The following FAM171B variants were observed in gnomAD, a reference collection of about 807,000 sequenced individuals.
FAM171B encodes family with sequence similarity 171 member B.
In FAM171B, 19 loss-of-function variants were observed where a neutral mutation model predicts 75.6. The ratio of observed to expected loss-of-function variants is 0.25; its 90% CI spans 0.18 to 0.37. FAM171B has a LOEUF of 0.37. Ranked by LOEUF, FAM171B falls within the 10% of genes least tolerant of loss-of-function variation. The pLI is 1.00. For synonymous variants in FAM171B, 367 were observed against 361.7 expected (o/e 1.01, Z -0.17); for missense variants, 848 against 982.4 (o/e 0.86, Z 1.83).
chr2:186,739,278 G>T (rs919956975), intron 1 of FAM171B, among the ~76,000 whole-genome samples: 1 of 151,998 alleles, frequency 6.6e-6, no homozygotes, highest in Admixed American at 6.6e-5. Flanking sequence ...CTCCATGGTG[G>T]TATACTTAGG....
Position 186,762,832 on chromosome 2 carries a change from G to A in FAM171B, c.*9G>A. The A allele has an allele frequency of 6.2e-7, 1 of 1,601,890 alleles. No individual in the cohort carries two copies. The highest frequency in any genetic ancestry group is 2.2e-5 in the East Asian group (1 of 44,786). On this transcript the variant is annotated 3_prime_UTR_variant, in exon 8 of 8. Coordinates refer to ENST00000304698, the MANE Select transcript of FAM171B (RefSeq NM_177454.4). The surrounding 1 kb of genome is among the most constrained non-coding windows in gnomAD (Gnocchi z 4.0). ...TGATTCCCATAAATTAACTCCAATGGGGATTGTGTGTCTGCTGTCTCGTGC... is the reference window on the plus strand; with the variant it reads ...TGATTCCCATAAATTAACTCCAATGAGGATTGTGTGTCTGCTGTCTCGTGC...
intron 1 of FAM171B, among the ~76,000 whole-genome samples, chr2:186,710,331 C>T (rs991201951): frequency 1.3e-5 from 2 of 152,182 alleles, no homozygotes; most frequent in African/African-American, 4.8e-5. Flanking sequence ...ATGCCACTTG[C>T]ACCACCATTC....
chr2:186,709,383 A>G (rs1040803538), intron 1 of FAM171B, among the ~76,000 whole-genome samples: 1 of 152,184 alleles, frequency 6.6e-6, no homozygotes, highest in Admixed American at 6.6e-5. Flanking sequence ...AGCTTCTTCC[A>G]TAGTGCCCAC....
intron 1 of FAM171B, among the ~76,000 whole-genome samples, chr2:186,727,990 A>T (rs986104528): frequency 2.0e-5 from 3 of 152,182 alleles, no homozygotes; most frequent in African/African-American, 7.2e-5. Context: ...GCCTCTGAAT[A>T]GACCCCAAAG....
At chr2:186,726,495 A>G (rs1384533855) in intron 1 of FAM171B, among the ~76,000 whole-genome samples, 1 of 152,132 alleles carries the variant, frequency 6.6e-6, no homozygotes, top group Admixed American at 6.5e-5. Context: ...GCATAATAAT[A>G]TGGTCCTTTT....
At chr2:186,733,594 T>C (rs1465194909) in intron 1 of FAM171B, among the ~76,000 whole-genome samples, 1 of 152,190 alleles carries the variant, frequency 6.6e-6, no homozygotes, top group African/African-American at 2.4e-5. Context: ...CTGGATCCCA[T>C]GCCTGCCAAG....
chr2:186,747,054 C>G lies in FAM171B; in HGVS notation c.566-38C>G, dbSNP rs760597462. Reference sequence around the variant, plus strand: ...GACCAATGCTGCTATGCTTAACATGCCTTTATCTCTTTGTTAATGAGGTTT... The same window carrying G: ...GACCAATGCTGCTATGCTTAACATGGCTTTATCTCTTTGTTAATGAGGTTT... On this transcript the variant is annotated intron_variant, in intron 3 of 7. Coordinates refer to ENST00000304698, the MANE Select transcript of FAM171B (RefSeq NM_177454.4). 5 of 1,490,440 alleles carry G rather than the reference C, an allele frequency of 3.4e-6. No individual in the cohort carries two copies. The East Asian group carries it at 1.2e-4, about 36-fold the overall frequency. 92.3% of individuals were successfully genotyped at this position (1,490,440 alleles called of 1,614,324 possible). A position where few individuals can be genotyped will look rare whatever the true frequency, so the allele number is the denominator to read the frequency against.
intron 1 of FAM171B, among the ~76,000 whole-genome samples, chr2:186,737,759 A>C (rs1690225009): frequency 6.6e-6 from 1 of 152,252 alleles, no homozygotes; most frequent in Non-Finnish European, 1.5e-5. Flanking sequence ...AGAAAAAAAT[A>C]AAAGAGCTAG....
chr2:186,732,958 C>G (rs1250622459), intron 1 of FAM171B, among the ~76,000 whole-genome samples: 2 of 152,206 alleles, frequency 1.3e-5, no homozygotes, highest in Admixed American at 1.3e-4. Flanking sequence ...CAGCCCTTCC[C>G]TGGTGCTGGT....
At chr2:186,755,214 T>G (rs1351735460) in intron 6 of FAM171B, among the ~76,000 whole-genome samples, 3 of 152,204 alleles carry the variant, frequency 2.0e-5, no homozygotes, top group African/African-American at 7.2e-5. Context: ...GTCAGCCTGC[T>G]ACCACTTCCT....
intron 1 of FAM171B, among the ~76,000 whole-genome samples, chr2:186,697,642 G>A (rs1452888799): frequency 6.6e-6 from 1 of 151,940 alleles, no homozygotes; most frequent in Admixed American, 6.6e-5. Context: ...ATTCTTTACC[G>A]CTGTATGATG....
At chr2:186,722,933 G>A (rs1314322659) in intron 1 of FAM171B, among the ~76,000 whole-genome samples, 1 of 152,114 alleles carries the variant, frequency 6.6e-6, no homozygotes, top group Non-Finnish European at 1.5e-5. Flanking sequence ...AACTTTGGGG[G>A]AATATTTTTT....
At chr2:186,728,358 GT>G (rs1690064810) in intron 1 of FAM171B, among the ~76,000 whole-genome samples, 1 of 151,832 alleles carries the variant, frequency 6.6e-6, no homozygotes, top group African/African-American at 2.4e-5. Context: ...TTTTCTTCAC[GT>G]GTTGTTTCCT....
intron 1 of FAM171B, among the ~76,000 whole-genome samples, chr2:186,723,290 T>C (rs1432866297): frequency 6.6e-6 from 1 of 152,188 alleles, no homozygotes; most frequent in African/African-American, 2.4e-5. Context: ...TATAGTTTTA[T>C]CAATAATTTG....
chr2:186,701,700 A>T (rs1319831332), intron 1 of FAM171B, among the ~76,000 whole-genome samples: 1 of 152,202 alleles, frequency 6.6e-6, no homozygotes, highest in Non-Finnish European at 1.5e-5. Flanking sequence ...AAAAGGAGTT[A>T]TTTCTTGGTA....
chr2:186,732,771 A>T (rs977185738), intron 1 of FAM171B, among the ~76,000 whole-genome samples: 1 of 152,194 alleles, frequency 6.6e-6, no homozygotes, highest in African/African-American at 2.4e-5. Flanking sequence ...AGTTGTACAC[A>T]TGCTCACTTG....
intron 1 of FAM171B, among the ~76,000 whole-genome samples, chr2:186,736,207 A>G (rs1378318656): frequency 6.6e-6 from 1 of 152,196 alleles, no homozygotes; most frequent in East Asian, 1.9e-4. Flanking sequence ...AACTGAGATG[A>G]TAATTGCTTT....
intron 1 of FAM171B, among the ~76,000 whole-genome samples, chr2:186,727,551 A>G (rs552250269): frequency 4.6e-5 from 7 of 152,288 alleles, no homozygotes; most frequent in African/African-American, 1.7e-4. Context: ...TAGGTAATGT[A>G]TAAATGAATT....
intron 4 of FAM171B, among the ~76,000 whole-genome samples, chr2:186,747,844 G>T (rs1381653701): frequency 6.6e-6 from 1 of 152,050 alleles, no homozygotes; most frequent in Non-Finnish European, 1.5e-5. Context: ...TGGAACAATG[G>T]AATTTTACAT....
Sources: allele counts gnomAD v4.1 joint callset (sites outside exome capture counted in the v4.1 genomes callset), GRCh38; gene constraint gnomAD v4.1.1; non-coding constraint Gnocchi (gnomAD v3.1); transcripts MANE v1.5; gene names NCBI Gene and HGNC (gene_info 2026-07-23, HGNC 2026-07-21).